Variants in CNTLN observed in about 807,000 individuals in gnomAD.
The protein encoded by CNTLN is centlein.
Under a neutral mutation model 180.0 loss-of-function variants are expected in CNTLN, and 212 were observed. The observed-to-expected ratio is 1.18, with a 90% confidence interval of 1.05 to 1.32. The LOEUF (loss-of-function observed/expected upper bound fraction) is 1.32. Ranked by LOEUF, CNTLN falls within the 40% of genes most tolerant of loss-of-function variation. The probability of loss-of-function intolerance (pLI) is 0.00; values close to 1 mark genes in which losing one functional copy is unlikely to be tolerated. For synonymous variants in CNTLN, 722 were observed against 563.1 expected (o/e 1.28, Z -3.99); for missense variants, 2,095 against 1,610.9 (o/e 1.30, Z -5.14).
At chr9:17,358,834 C>G (rs968649408) in intron 12 of CNTLN, among the ~76,000 whole-genome samples, 1 of 152,018 alleles carries the variant, frequency 6.6e-6, no homozygotes, top group African/African-American at 2.4e-5. Flanking sequence ...AGCTACATAG[C>G]TAAAATTCCA....
the CNTLN span, among the ~76,000 whole-genome samples, chr9:17,523,497 A>G: frequency 1.3e-5 from 2 of 152,114 alleles, no homozygotes; most frequent in African/African-American, 4.8e-5. Context: ...TCAGCCTCCC[A>G]AAGTGCTGGG....
chr9:17,219,197 G>C (rs1232588281), intron 2 of CNTLN, among the ~76,000 whole-genome samples: 3 of 149,506 alleles, frequency 2.0e-5, no homozygotes, highest in Non-Finnish European at 4.4e-5. Flanking sequence ...ACAGGAGTTT[G>C]TCTCAGTCAT....
chr9:17,395,064 A>C lies in CNTLN; in HGVS notation c.2610A>C (p.Glu870Asp), dbSNP rs771430927. The change falls in exon 15 of 26, where the codon GAA becomes GAC. Residue 870 changes from glutamate to aspartate, a missense_variant. By Grantham distance (45) the Glu-to-Asp change is conservative. Transcript: ENST00000380647. Reference sequence around the variant, plus strand: ...AGGACGGCTGGGAGGATGTGAGTGAAAGCAGGTAAGGCTCTCATTAACTTA... The same window carrying C: ...AGGACGGCTGGGAGGATGTGAGTGACAGCAGGTAAGGCTCTCATTAACTTA... ...LSKDGWEDVS[E>D]SSSDSEAQTS... is the part of the protein sequence containing the mutation. The C allele has an allele frequency of 4.4e-6, 7 of 1,604,712 alleles. No individual in the cohort carries two copies. Among genetic ancestry groups the C allele is most frequent in the African/African-American group, 4.0e-5 (3 of 74,772 alleles).
At chr9:17,490,370 C>T (rs1833095178) in intron 25 of CNTLN, among the ~76,000 whole-genome samples, 1 of 151,702 alleles carries the variant, frequency 6.6e-6, no homozygotes, top group Non-Finnish European at 1.5e-5. Flanking sequence ...TGGGTGGAAA[C>T]CAAAAGATGG....
At chr9:17,143,893 A>AT (rs1818274368) in intron 2 of CNTLN, among the ~76,000 whole-genome samples, 1 of 152,152 alleles carries the variant, frequency 6.6e-6, no homozygotes, top group African/African-American at 2.4e-5. Flanking sequence ...TTAACTGTAG[A>AT]TTGTTGGGCC....
At chr9:17,188,246 G>T (rs1821559222) in intron 2 of CNTLN, among the ~76,000 whole-genome samples, 1 of 151,792 alleles carries the variant, frequency 6.6e-6, no homozygotes, top group South Asian at 2.1e-4. Context: ...GTGAGAGAAG[G>T]CATGGAAAAA....
chr9:17,224,920 G>C (rs191129447), intron 2 of CNTLN, among the ~76,000 whole-genome samples: 2 of 152,042 alleles, frequency 1.3e-5, no homozygotes, highest in East Asian at 3.9e-4. Context: ...CATATCTCAA[G>C]AGGGAAGATT....
the CNTLN span, among the ~76,000 whole-genome samples, chr9:17,525,599 A>G: frequency 6.6e-6 from 1 of 152,306 alleles, no homozygotes; most frequent in Admixed American, 6.5e-5. Flanking sequence ...CTTGTTTAAA[A>G]TTAAAAATTA....
intron 15 of CNTLN, among the ~76,000 whole-genome samples, chr9:17,406,119 G>A (rs1408129450): frequency 6.6e-6 from 1 of 151,720 alleles, no homozygotes; most frequent in Non-Finnish European, 1.5e-5. Context: ...TCTCACTAAT[G>A]ATAATTCTAT....
rs190401628 is a variant in CNTLN, at chr9:17,209,635, C to T, written c.450-16568C>T. ...CCTATATAATTATAATTGTTATAGC[C>T]TCTTGCCAAATTGACCCCTCTCTTA... On this transcript the variant is annotated intron_variant, in intron 2 of 25. Transcript: ENST00000380647. 1.6e-3 allele frequency among the ~76,000 whole-genome samples: 238 copies of T among 152,246 alleles called. 1 individual carries two copies. The highest frequency in any genetic ancestry group is 1.8e-3 in the Non-Finnish European group (124 of 67,992).
chr9:17,425,081 CT>C (rs747321802), intron 18 of CNTLN, among the ~76,000 whole-genome samples: 19 of 152,094 alleles, frequency 1.2e-4, no homozygotes, highest in Non-Finnish European at 2.5e-4. Context: ...ACAGAGTAAC[CT>C]TTATCATTCA....
At chr9:17,351,415 G>A (rs1279889237) in intron 12 of CNTLN, among the ~76,000 whole-genome samples, 1 of 152,094 alleles carries the variant, frequency 6.6e-6, no homozygotes, top group African/African-American at 2.4e-5. Flanking sequence ...TCCTTTTGGA[G>A]GTCTCACTGA....
chr9:17,511,073 TG>T, the CNTLN span, among the ~76,000 whole-genome samples: 1 of 152,176 alleles, frequency 6.6e-6, no homozygotes, highest in Non-Finnish European at 1.5e-5. Context: ...CTAATGGGTA[TG>T]TAGTAGAGAT....
chr9:17,342,636 T>C (rs1821575606), intron 12 of CNTLN, among the ~76,000 whole-genome samples, 192 bp downstream of exon 12: 1 of 152,238 alleles, frequency 6.6e-6, no homozygotes, highest in Admixed American at 6.5e-5. Context: ...GCACAGTTGC[T>C]AGCTCTAACA....
intron 2 of CNTLN, chr9:17,167,435 C>T (rs984898098): frequency 6.6e-6 from 1 of 152,274 alleles, no homozygotes; most frequent in Non-Finnish European, 1.5e-5. Context: ...ATTCAAGGAC[C>T]AAAAGGTCAG....
chr9:17,137,737 A>C (rs551355785), intron 1 of CNTLN, among the ~76,000 whole-genome samples: 2 of 152,266 alleles, frequency 1.3e-5, no homozygotes, highest in Admixed American at 1.3e-4. Flanking sequence ...TTTCACATTC[A>C]ACTTATGGGA....
intron 12 of CNTLN, among the ~76,000 whole-genome samples, chr9:17,357,019 C>G (rs181992541): frequency 4.6e-5 from 7 of 152,128 alleles, no homozygotes; most frequent in African/African-American, 1.7e-4. Flanking sequence ...TTTCTCATTT[C>G]CTACTTCTCA....
At chr9:17,223,568 T>C (rs1407195194) in intron 2 of CNTLN, among the ~76,000 whole-genome samples, 2 of 152,008 alleles carry the variant, frequency 1.3e-5, no homozygotes, top group African/African-American at 4.8e-5. Context: ...TCCTGTTAGC[T>C]CTACCTTAAA....
chr9:17,491,160 T>G (rs947855884), intron 25 of CNTLN, among the ~76,000 whole-genome samples: 3 of 152,088 alleles, frequency 2.0e-5, no homozygotes, highest in Non-Finnish European at 4.4e-5. Flanking sequence ...TCCTTTGCAC[T>G]TGTGACTTTA....
Sources: allele counts gnomAD v4.1 joint callset (sites outside exome capture counted in the v4.1 genomes callset), GRCh38; gene constraint gnomAD v4.1.1; transcripts MANE v1.5; gene names NCBI Gene and HGNC (gene_info 2026-07-23, HGNC 2026-07-21).